CFAP46: variants seen among roughly 807,000 people sequenced by gnomAD.
The protein encoded by CFAP46 is cilia and flagella associated protein 46.
A neutral mutation model predicts 325.7 loss-of-function variants in CFAP46; 245 were observed. The observed-to-expected ratio is 0.75, with a 90% CI of 0.68 to 0.84. The LOEUF (loss-of-function observed/expected upper bound fraction) is 0.84. CFAP46 is among the 40% of genes least tolerant of loss of function. The pLI is 0.00. For missense variants in CFAP46, 3,346 were observed against 3,543.0 expected (o/e 0.94, Z 1.41); for synonymous variants, 1,523 against 1,495.9 (o/e 1.02, Z -0.42).
rs150661681 is a variant in CFAP46, at chr10:132,867,491, C to T, written c.4627G>A (p.Ala1543Thr). ...LEQASCRKEI[A>T]LKKEKNKEPL... ...TCCTTATTTTTCTCTTTTTTCAACGCGATCTCTTTTCTGCAGCTAATGCGA... is the reference window on the plus strand; with the variant it reads ...TCCTTATTTTTCTCTTTTTTCAACGTGATCTCTTTTCTGCAGCTAATGCGA... Residue 1543 changes from alanine to threonine, a missense_variant, in exon 34 of 58, where the codon GCG (alanine) becomes ACG (threonine). Ala to Thr is a moderately conservative substitution (Grantham distance 58, BLOSUM62 0). Transcript: ENST00000368586. The T allele has an allele frequency of 0.012, 18,192 of 1,550,090 alleles. 231 individuals carry two copies. Among genetic ancestry groups the T allele is most frequent in the Middle Eastern group, 0.056 (338 of 5,992 alleles).
intron 44 of CFAP46, among the ~76,000 whole-genome samples, chr10:132,841,371 C>T (rs1848343455): frequency 6.6e-6 from 1 of 152,260 alleles, no homozygotes. Context: ...ATGGTCTCTT[C>T]CGACAGCACC....
At chr10:132,867,248 AG>A (rs1175777828) in intron 34 of CFAP46, 126 bp downstream of exon 34, 2 of 1,150,178 alleles carry the variant, frequency 1.7e-6, no homozygotes, top group Non-Finnish European at 2.4e-6. Flanking sequence ...ACACACACCC[AG>A]GCCGGCCCCT....
rs1044135460 is a variant in CFAP46, at chr10:132,912,667, T to C, written c.2487A>G (p.Lys829=). ...PLDAGATSEI[K]TAVEVCEFAL... is the part of the protein sequence containing the mutation. ...ATGGAGGTGGTACCTCCACCGCTGT[T>C]TTGATCTCGGAAGTGGCTCCTGCGT... Residue 829 remains lysine (K), a synonymous_variant, in exon 19 of 58, where the codon AAA becomes AAG. Transcript: ENST00000368586. 1.3e-6 allele frequency: 2 copies of C among 1,548,412 alleles called. No individual in the cohort carries two copies. The highest frequency in any genetic ancestry group is 1.4e-5 in the African/African-American group (1 of 72,668).
At chr10:132,836,247 A>C in intron 45 of CFAP46, 29 bp from the exon 46 acceptor site, 1 of 1,606,666 alleles carries the variant, frequency 6.2e-7, no homozygotes, top group Non-Finnish European at 8.5e-7. Context: ...CCAGGGTCGC[A>C]GGCAAGCCAT....
chr10:132,932,614 G>C (rs879807739), intron 8 of CFAP46, among the ~76,000 whole-genome samples: 1 of 151,832 alleles, frequency 6.6e-6, no homozygotes, highest in Non-Finnish European at 1.5e-5. Context: ...CCCACACAGA[G>C]CCTGGGCTTC....
chr10:132,909,372 T>C (rs1434898381), intron 20 of CFAP46, 128 bp from the exon 21 acceptor site: 3 of 672,086 alleles, frequency 4.5e-6, no homozygotes, highest in Non-Finnish European at 7.8e-6. Flanking sequence ...GGAGCGTTTA[T>C]ACCTTAGGCT....
intron 50 of CFAP46, among the ~76,000 whole-genome samples, chr10:132,823,445 CTGATGTGTGT>C (rs1847938076): frequency 9.1e-6 from 1 of 110,030 alleles, no homozygotes; most frequent in African/African-American, 3.7e-5. Flanking sequence ...GCTGTGTGTG[CTGATGTGTGT>C]TGTGTGTGCT....
chr10:132,835,172 T>G, intron 47 of CFAP46, 132 bp downstream of exon 47: 2 of 1,261,546 alleles, frequency 1.6e-6, no homozygotes, highest in African/African-American at 1.5e-5. Flanking sequence ...TGCCCGGGTG[T>G]TGGGATGGCC....
At chr10:132,924,932 C>CTGCGGGGCTGGGGCGGCACCTGCG in intron 10 of CFAP46, 46 bp from the exon 11 acceptor site, 1 of 1,356,714 alleles carries the variant, frequency 7.4e-7, no homozygotes, top group Non-Finnish European at 9.5e-7. Flanking sequence ...CTGGCTCGAG[C>CTGCGGGGCTGGGGCGGCACCTGCG]TGCGGGGCTG....
At chr10:132,881,361 G>A (rs981948511) in intron 27 of CFAP46, among the ~76,000 whole-genome samples, 20 of 152,170 alleles carry the variant, frequency 1.3e-4, no homozygotes, top group South Asian at 6.2e-4. Flanking sequence ...ACACAGGACA[G>A]GGGTCCTGCT....
intron 44 of CFAP46, among the ~76,000 whole-genome samples, chr10:132,844,402 C>T (rs1197626848): frequency 6.6e-6 from 1 of 152,198 alleles, no homozygotes; most frequent in Non-Finnish European, 1.5e-5. Flanking sequence ...TTTAGCTTAG[C>T]TAGTTCTCAT....
At chr10:132,859,014 G>A (rs1848687485) in intron 38 of CFAP46, 57 bp downstream of exon 38, 12 of 1,502,360 alleles carry the variant, frequency 8.0e-6, no homozygotes, top group East Asian at 7.4e-5. Context: ...GGCGCTGGGC[G>A]TGTTGTGTGT....
intron 8 of CFAP46, among the ~76,000 whole-genome samples, chr10:132,933,373 C>T (rs902870412): frequency 1.3e-5 from 2 of 152,206 alleles, no homozygotes; most frequent in Non-Finnish European, 2.9e-5. Context: ...GGACAGACCT[C>T]GGAACAGGGC....
chr10:132,851,338 A>C, intron 39 of CFAP46, 33 bp from the exon 40 acceptor site: 1 of 1,597,186 alleles, frequency 6.3e-7, no homozygotes, highest in Non-Finnish European at 8.5e-7. Context: ...TGAAGCATGG[A>C]AGCTTCTGGT....
At chr10:132,899,309 A>AC (rs1315417111) in intron 23 of CFAP46, among the ~76,000 whole-genome samples, 188 bp from the exon 24 acceptor site, 3 of 151,944 alleles carry the variant, frequency 2.0e-5, no homozygotes, top group Admixed American at 6.6e-5. Context: ...ACGAGGTCAG[A>AC]CCCCCACCAA....
intron 50 of CFAP46, among the ~76,000 whole-genome samples, chr10:132,822,413 CTGTG>C (rs1258591196): frequency 7.8e-5 from 9 of 115,840 alleles, no homozygotes; most frequent in South Asian, 3.0e-4. Flanking sequence ...GCACTGTATG[CTGTG>C]TGTGTGGTGA....
Position 132,884,683 on chromosome 10 carries a change from G to A in CFAP46, c.3627+420C>T, listed in dbSNP as rs1591071076. ...GAAGAGACGCCAACATCCCCAGAACGCCCACATCCCAGGGCCCTGCAGAGC... is the reference window on the plus strand; with the variant it reads ...GAAGAGACGCCAACATCCCCAGAACACCCACATCCCAGGGCCCTGCAGAGC... On this transcript the variant is annotated intron_variant, in intron 27 of 57. Coordinates refer to ENST00000368586, the MANE Select transcript of CFAP46 (RefSeq NM_001200049.3). This position sits in a 1 kb window ranked among gnomAD's most constrained non-coding sequence, Gnocchi z 5.4. 6.6e-6 allele frequency among the ~76,000 whole-genome samples: 1 copy of A among 152,120 alleles called. No individual in the cohort carries two copies. The highest frequency in any genetic ancestry group is 2.4e-5 in the African/African-American group (1 of 41,534).
chr10:132,933,320 C>T (rs1405706897), intron 8 of CFAP46, among the ~76,000 whole-genome samples: 7 of 152,308 alleles, frequency 4.6e-5, no homozygotes, highest in Admixed American at 3.3e-4. Flanking sequence ...CTGGGCAGGT[C>T]GGGAAGAGAG....
chr10:132,824,453 CTGTGT>C (rs1847987522), intron 50 of CFAP46, among the ~76,000 whole-genome samples: 2 of 103,836 alleles, frequency 1.9e-5, no homozygotes, highest in African/African-American at 3.9e-5. Flanking sequence ...CTGATGTGTG[CTGTGT>C]GCTGATGTGT....
Sources: gnomAD v4.1 joint callset for allele counts (sites outside exome capture counted in the v4.1 genomes callset) on GRCh38, gnomAD v4.1.1 for gene constraint, Gnocchi (gnomAD v3.1) non-coding constraint, MANE v1.5 for transcripts, NCBI Gene and HGNC (gene_info 2026-07-23, HGNC 2026-07-21) for gene names.